The following BEST3 variants were observed in gnomAD, a reference collection of about 807,000 sequenced individuals.
BEST3 encodes the protein bestrophin-3.
A neutral mutation model predicts 47.1 loss-of-function variants in BEST3; 50 were observed. The ratio of observed to expected loss-of-function variants is 1.06; its 90% CI spans 0.85 to 1.34. The LOEUF is 1.34. BEST3 is among the 40% of genes most tolerant of loss of function. The pLI, the probability that BEST3 is intolerant of heterozygous loss-of-function variation, is 0.00. For synonymous variants in BEST3, 282 were observed against 298.8 expected, an observed-to-expected ratio of 0.94 and a Z score of 0.58; for missense variants, 765 against 817.0, an observed-to-expected ratio of 0.94 and a Z score of 0.78.
In BEST3 at chr12:69,672,904, C is replaced by T. The variant is rs1884668374; in HGVS notation, c.929G>A (p.Cys310Tyr). The T allele has an allele frequency of 8.7e-6, 14 of 1,612,748 alleles. No individual in the cohort carries two copies. The East Asian group carries it at 1.1e-4, about 13-fold the overall frequency. ...EDDDDFETNW[C>Y]IDRNLQVSLL... ...TCTAACCTGCAAATTTCTGTCAATG[C>T]ACCAGTTAGTTTCAAAATCATCATC... The change falls in exon 8 of 10, where the codon TGC becomes TAC. Residue 310 changes from cysteine to tyrosine, a missense_variant. By Grantham distance (194) the Cys-to-Tyr change is radical. Coordinates refer to ENST00000330891, the MANE Select transcript of BEST3 (RefSeq NM_032735.3).
chr12:69,658,939 G>A (rs1435341714), intron 9 of BEST3, among the ~76,000 whole-genome samples: 1 of 152,216 alleles, frequency 6.6e-6, no homozygotes, highest in African/African-American at 2.4e-5. Context: ...TTGTCTTTGA[G>A]AATGGAGGGC....
intron 7 of BEST3, among the ~76,000 whole-genome samples, chr12:69,673,830 GT>G (rs34410465): frequency 0.87 from 132,753 of 152,042 alleles, 58,127 homozygotes; most frequent in Middle Eastern, 0.97. Flanking sequence ...GGCTTACCTA[GT>G]TTTTACCCTA....
rs1263960684 is a variant in BEST3, at chr12:69,670,624, A to G, written c.1100+804T>C. 3 of 698,186 alleles carry G rather than the reference A, an allele frequency of 4.3e-6. No individual in the cohort carries two copies. In the African/African-American group the frequency reaches 5.2e-5, roughly 12 times the overall value. The allele number at this position is 698,186 out of a possible 1,614,324, so 43.2% of individuals were successfully genotyped here. On this transcript the variant is annotated intron_variant, in intron 9 of 9. Transcript: ENST00000330891. ...GCAGGCCACTTCAGGGAGGAGGGAA[A>G]GAAGGGTCATAGGCAGCAACCACAG...
intron 9 of BEST3, 50 bp downstream of exon 9, chr12:69,671,378 T>G: frequency 6.6e-7 from 1 of 1,511,260 alleles, no homozygotes; most frequent in African/African-American, 1.4e-5. Flanking sequence ...AAGGTCTCAC[T>G]ATGTTGCTCA....
intron 4 of BEST3, among the ~76,000 whole-genome samples, chr12:69,682,081 C>CAAAAAAAAAAAAA (rs35331064): frequency 9.8e-6 from 1 of 102,320 alleles, no homozygotes; most frequent in Non-Finnish European, 1.8e-5. Flanking sequence ...GACTCCGTCT[C>CAAAAAAAAAAAAA]AAAAAAAAAA....
At chr12:69,650,314 T>C (rs113052150), downstream of BEST3, among the ~76,000 whole-genome samples, 30 of 152,322 alleles carry the variant, frequency 2.0e-4, no homozygotes, top group African/African-American at 7.0e-4. Flanking sequence ...TATTCTTGAA[T>C]TGGTTCTTTC....
At chr12:69,680,066 T>C (rs1196095965) in intron 4 of BEST3, among the ~76,000 whole-genome samples, 1 of 152,130 alleles carries the variant, frequency 6.6e-6, no homozygotes. Context: ...TGTGTCAAGA[T>C]GTTATTTAGC....
At chr12:69,673,949 T>A (rs191251025) in intron 7 of BEST3, among the ~76,000 whole-genome samples, 1 of 152,312 alleles carries the variant, frequency 6.6e-6, no homozygotes, top group Non-Finnish European at 1.5e-5. Flanking sequence ...TCTTATCATG[T>A]TCCTGAATTG....
At chr12:69,689,236 G>A (rs1392971638) in intron 4 of BEST3, 2 of 985,608 alleles carry the variant, frequency 2.0e-6, no homozygotes, top group Middle Eastern at 1.0e-3. Context: ...GAAGAACTTG[G>A]AAGCAGACCC....
chr12:69,698,217 T>A (rs1347441027), intron 1 of BEST3, among the ~76,000 whole-genome samples: 1 of 152,202 alleles, frequency 6.6e-6, no homozygotes, highest in African/African-American at 2.4e-5. Context: ...TCGTTAGCAC[T>A]CATTGCATTT....
At chr12:69,678,145 A>G (rs150078215) in intron 5 of BEST3, among the ~76,000 whole-genome samples, 2 of 152,238 alleles carry the variant, frequency 1.3e-5, no homozygotes, top group East Asian at 3.9e-4. Flanking sequence ...AGTTCACATC[A>G]ATTTGGGCGC....
At chr12:69,673,028 A>C (rs1023387767) in intron 7 of BEST3, 63 bp from the exon 8 acceptor site, 1 of 1,276,354 alleles carries the variant, frequency 7.8e-7, no homozygotes, top group African/African-American at 1.5e-5. Flanking sequence ...ATAGAGACTG[A>C]AGATGATTCC....
intron 9 of BEST3, among the ~76,000 whole-genome samples, chr12:69,659,701 A>G (rs1436982577): frequency 8.6e-5 from 7 of 81,218 alleles, no homozygotes; most frequent in African/African-American, 3.3e-4. Flanking sequence ...TGGAGTATAA[A>G]TTTTAGTTTC....
At chr12:69,672,995 C>T (rs767484504) in intron 7 of BEST3, 30 bp from the exon 8 acceptor site, 22 of 1,535,776 alleles carry the variant, frequency 1.4e-5, no homozygotes, top group Non-Finnish European at 2.0e-5. Flanking sequence ...ATAAATCCAT[C>T]ATGATACCTG....
intron 9 of BEST3, among the ~76,000 whole-genome samples, chr12:69,669,385 A>G (rs548555043): frequency 3.9e-5 from 6 of 152,132 alleles, no homozygotes; most frequent in African/African-American, 1.2e-4. Context: ...CCCTCTCCCA[A>G]TAGGTTCTGG....
intron 9 of BEST3, among the ~76,000 whole-genome samples, chr12:69,648,495 G>A (rs1883108489): frequency 6.6e-6 from 1 of 152,146 alleles, no homozygotes; most frequent in South Asian, 2.1e-4. Context: ...GTTGGGATGG[G>A]GAACGGGATT....
rs1168391548 is a variant in BEST3, at chr12:69,694,350, T to G, written c.247+20A>C. On this transcript the variant is annotated intron_variant, in intron 3 of 9. Transcript: ENST00000330891. ...CGGAGACAGCTATGTGGCTGCAATC[T>G]GCGTGTGACCTATACTTACCAAGCA... is the stretch of plus-strand genomic sequence containing the variant. 3.4e-6 allele frequency: 5 copies of G among 1,489,554 alleles called. No individual in the cohort carries two copies. Among genetic ancestry groups the G allele is most frequent in the Admixed American group, 1.9e-5 (1 of 53,634 alleles). The allele number at this position is 1,489,554 out of a possible 1,614,324, so 92.3% of individuals were successfully genotyped here.
At chr12:69,643,677 C>G (rs531984533) in exon 10 of BEST3, 2 of 657,706 alleles carry the variant, frequency 3.0e-6, no homozygotes, top group East Asian at 5.8e-5. Context: ...TTGAAAGATT[C>G]GAGTGTTGTA....
intron 1 of BEST3, 109 bp from the exon 2 acceptor site, chr12:69,697,922 ATC>A (rs1565847071): frequency 7.4e-6 from 6 of 815,128 alleles, no homozygotes; most frequent in South Asian, 6.2e-5. Context: ...AGTCAGCCAT[ATC>A]TCTGTTTTGT....
Sources: gnomAD v4.1 joint callset for allele counts (sites outside exome capture counted in the v4.1 genomes callset) on GRCh38, gnomAD v4.1.1 for gene constraint, MANE v1.5 for transcripts, NCBI Gene and HGNC (gene_info 2026-07-23, HGNC 2026-07-21) for gene names.